Variants in DLG2 observed in about 807,000 individuals in gnomAD.
DLG2 encodes the protein disks large homolog 2.
In DLG2, 45 loss-of-function variants were observed where a neutral mutation model predicts 132.5. The observed-to-expected ratio is 0.34, with a 90% CI of 0.27 to 0.44. The LOEUF (loss-of-function observed/expected upper bound fraction) is 0.44, where lower values mean the gene tolerates loss of function less well. DLG2 is among the 20% of genes least tolerant of loss of function. The pLI, the probability that DLG2 is intolerant of heterozygous loss-of-function variation, is 1.00. For synonymous variants in DLG2, 424 were observed against 419.6 expected, an observed-to-expected ratio of 1.01 and a Z score of -0.13; for missense variants, 1,045 against 1,196.9, an observed-to-expected ratio of 0.87 and a Z score of 1.87.
At chr11:84,650,900 T>TATATATATATATA (rs1452682199) in intron 6 of DLG2, among the ~76,000 whole-genome samples, 1 of 138,522 alleles carries the variant, frequency 7.2e-6, no homozygotes, top group African/African-American at 2.9e-5. Flanking sequence ...TATATATATA[T>TATATATATATATA]AAAATTTTTG....
intron 6 of DLG2, among the ~76,000 whole-genome samples, chr11:84,858,218 T>A (rs74507240): frequency 6.6e-6 from 1 of 152,034 alleles, no homozygotes; most frequent in African/African-American, 2.4e-5. Flanking sequence ...TCTTTTTTTT[T>A]ATTTGCATAT....
In DLG2 at chr11:84,843,788, T is replaced by C. The variant is rs1255132513; in HGVS notation, c.357+267873A>G. On this transcript the variant is annotated intron_variant, in intron 6 of 27. Coordinates refer to ENST00000376104, the MANE Select transcript of DLG2 (RefSeq NM_001142699.3). ...TACATGTTCAATACGGACACAACCA[T>C]CCTTTTTCCCCAAATATTTTTGATT... Among the ~76,000 whole-genome samples the C allele has an allele frequency of 2.6e-5, 4 of 151,642 alleles. No homozygotes were observed. The Admixed American group carries it at 2.6e-4, about 10-fold the overall frequency.
chr11:85,437,796 AAAG>A (rs1445216161), intron 3 of DLG2, among the ~76,000 whole-genome samples: 1 of 152,196 alleles, frequency 6.6e-6, no homozygotes, highest in Non-Finnish European at 1.5e-5. Context: ...GTAAAGGAAA[AAAG>A]AAAAAATAAA....
intron 6 of DLG2, among the ~76,000 whole-genome samples, chr11:84,600,620 A>G (rs1026667630): frequency 6.6e-6 from 1 of 152,128 alleles, no homozygotes; most frequent in Non-Finnish European, 1.5e-5. Context: ...TATTTTTTCA[A>G]ATTCATTCTT....
chr11:84,279,407 T>C (rs1364330702), intron 7 of DLG2, among the ~76,000 whole-genome samples: 1 of 152,186 alleles, frequency 6.6e-6, no homozygotes, highest in Non-Finnish European at 1.5e-5. Context: ...TGGCGATTCC[T>C]CAAGGACCTA....
At chr11:84,948,874 G>T (rs1056388471) in intron 6 of DLG2, among the ~76,000 whole-genome samples, 2 of 152,138 alleles carry the variant, frequency 1.3e-5, no homozygotes, top group Non-Finnish European at 2.9e-5. Context: ...TTATAGGATT[G>T]CTGCACAATT....
chr11:84,154,972 C>G (rs986265583), intron 9 of DLG2, among the ~76,000 whole-genome samples: 1 of 152,092 alleles, frequency 6.6e-6, no homozygotes, highest in Non-Finnish European at 1.5e-5. Flanking sequence ...TCAGAGTGCA[C>G]AGGCAACCTA....
chr11:84,591,256 T>TGTGTGC (rs773255134), intron 6 of DLG2, among the ~76,000 whole-genome samples: 2,775 of 150,274 alleles, frequency 0.018, 87 homozygotes, highest in African/African-American at 0.062. Flanking sequence ...TGTGTGTGTG[T>TGTGTGC]GCGCGTCTTT....
chr11:84,330,704 T>C (rs1278675110), intron 7 of DLG2, among the ~76,000 whole-genome samples: 1 of 152,206 alleles, frequency 6.6e-6, no homozygotes, highest in Non-Finnish European at 1.5e-5. Context: ...TGAAACAATG[T>C]GTCTAAGGTC....
At chr11:84,325,454 T>C (rs1242766429) in intron 7 of DLG2, among the ~76,000 whole-genome samples, 3 of 152,090 alleles carry the variant, frequency 2.0e-5, no homozygotes, top group African/African-American at 7.2e-5. Flanking sequence ...TTTTTTGAAA[T>C]GAAATAAATG....
At chr11:84,168,988 A>G (rs1288163391) in intron 8 of DLG2, among the ~76,000 whole-genome samples, 3 of 152,168 alleles carry the variant, frequency 2.0e-5, no homozygotes, top group Admixed American at 1.3e-4. Context: ...ATACAGTGTG[A>G]TACTCGGTAG....
chr11:85,459,033 G>T (rs1381084913), intron 3 of DLG2, among the ~76,000 whole-genome samples: 2 of 152,218 alleles, frequency 1.3e-5, no homozygotes, highest in Admixed American at 1.3e-4. Context: ...CTCAAGCTAG[G>T]AAGGCCCGCC....
intron 4 of DLG2, among the ~76,000 whole-genome samples, chr11:85,181,052 ATTC>A (rs999793488): frequency 1.4e-4 from 21 of 151,914 alleles, no homozygotes; most frequent in African/African-American, 4.8e-4. Context: ...ATTATTTAAT[ATTC>A]TTCAAGAATA....
intron 19 of DLG2, among the ~76,000 whole-genome samples, chr11:83,577,305 A>AAT (rs754049029): frequency 4.6e-5 from 7 of 150,572 alleles, no homozygotes; most frequent in South Asian, 2.1e-4. Flanking sequence ...TAAACAATAG[A>AAT]ATATATATAT....
At chr11:85,352,293 T>C (rs951304071) in intron 3 of DLG2, among the ~76,000 whole-genome samples, 2 of 152,198 alleles carry the variant, frequency 1.3e-5, no homozygotes, top group African/African-American at 4.8e-5. Context: ...ATTTGATTCT[T>C]CTCTCTTTTC....
intron 10 of DLG2, among the ~76,000 whole-genome samples, chr11:84,078,485 T>C (rs1384422633): frequency 2.0e-5 from 3 of 152,268 alleles, no homozygotes; most frequent in East Asian, 1.9e-4. Context: ...TTTCTTTATA[T>C]CTAGGACAAT....
chr11:84,227,696 C>T (rs756117862), intron 8 of DLG2, among the ~76,000 whole-genome samples: 26 of 151,884 alleles, frequency 1.7e-4, no homozygotes, highest in African/African-American at 3.6e-4. Context: ...CCAATGTAGG[C>T]GGATCACAAG....
intron 4 of DLG2, among the ~76,000 whole-genome samples, chr11:85,216,985 C>T (rs549847139): frequency 1.1e-4 from 17 of 152,158 alleles, no homozygotes; most frequent in South Asian, 1.0e-3. Context: ...TGAGCCGCCG[C>T]GCCTGGCCTA....
chr11:84,421,360 G>A (rs1339054081), intron 7 of DLG2, among the ~76,000 whole-genome samples: 1 of 152,170 alleles, frequency 6.6e-6, no homozygotes, highest in Non-Finnish European at 1.5e-5. Context: ...AGAGCAGCAA[G>A]CGGGGCCAGT....
Sources: gnomAD v4.1 joint callset for allele counts (sites outside exome capture counted in the v4.1 genomes callset) on GRCh38, gnomAD v4.1.1 for gene constraint, MANE v1.5 for transcripts, NCBI Gene and HGNC (gene_info 2026-07-23, HGNC 2026-07-21) for gene names.